Variants in NCKAP1 observed in about 807,000 individuals in gnomAD.
NCKAP1 encodes nck-associated protein 1.
NCKAP1 carries 21 observed loss-of-function variants against 151.2 expected under a neutral mutation model. That is an observed-to-expected ratio of 0.14 (90% confidence interval 0.10 to 0.20). NCKAP1 has a LOEUF of 0.20. NCKAP1 is among the 10% of genes least tolerant of loss of function. The pLI is 1.00. For missense variants in NCKAP1, 933 were observed against 1,352.1 expected, an observed-to-expected ratio of 0.69 and a Z score of 4.86; for synonymous variants, 484 against 451.8, an observed-to-expected ratio of 1.07 and a Z score of -0.90.
At chr2:183,020,220 T>C (rs1368773052) in intron 2 of NCKAP1, among the ~76,000 whole-genome samples, 1 of 152,082 alleles carries the variant, frequency 6.6e-6, no homozygotes, top group Non-Finnish European at 1.5e-5. Flanking sequence ...CCCAGCACTT[T>C]GGGAGGCCAA....
At chr2:183,015,485 GAA>G (rs879610042) in intron 2 of NCKAP1, among the ~76,000 whole-genome samples, 2 of 135,486 alleles carry the variant, frequency 1.5e-5, no homozygotes, top group Admixed American at 7.3e-5. Flanking sequence ...TAGGCTCCAG[GAA>G]AAAAAAAAAA....
At chr2:182,978,802 G>T in intron 14 of NCKAP1, 32 bp downstream of exon 14, 1 of 1,294,222 alleles carries the variant, frequency 7.7e-7, no homozygotes, top group Non-Finnish European at 1.1e-6. Context: ...CTAATTAGAA[G>T]AAAATATGCT....
At chr2:183,013,916 C>G (rs1335112622) in intron 2 of NCKAP1, among the ~76,000 whole-genome samples, 2 of 152,110 alleles carry the variant, frequency 1.3e-5, no homozygotes, top group African/African-American at 4.8e-5. Flanking sequence ...GAATGCTCCT[C>G]CCCTAGCTAA....
chr2:182,935,478 C>A, intron 24 of NCKAP1, 103 bp from the exon 25 acceptor site: 2 of 621,662 alleles, frequency 3.2e-6, no homozygotes, highest in South Asian at 2.7e-5. Context: ...ATAAAATTCC[C>A]ATGATAAAAG....
intron 10 of NCKAP1, among the ~76,000 whole-genome samples, chr2:182,984,901 A>G (rs1476944971): frequency 6.6e-6 from 1 of 152,200 alleles, no homozygotes. Context: ...TATTTAATAA[A>G]CAGAAGGAGG....
chr2:183,003,757 C>T (rs972056221), intron 2 of NCKAP1, among the ~76,000 whole-genome samples: 4 of 152,038 alleles, frequency 2.6e-5, no homozygotes, highest in African/African-American at 9.7e-5. Flanking sequence ...GGTAAAGCCA[C>T]GTTACGCATG....
rs184562913 is a variant in NCKAP1 at position 182,925,753 on chromosome 2, C to G, written c.3336G>C (p.Leu1112=). 38 of 1,592,078 alleles carry G rather than the reference C, an allele frequency of 2.4e-5. No homozygotes were observed. In the East Asian group the frequency reaches 8.8e-4, roughly 37 times the overall value. ...TGTAGACAGCATGGTATGCATTTCT[C>G]AGCAAGACATAAGGAAAACAAGATT... is the stretch of plus-strand genomic sequence containing the variant. ...LLESCFPYVL[L]RNAYHAVYKQ... The change falls in exon 31 of 31, where the codon CTG becomes CTC. Residue 1112 remains leucine (L), a synonymous_variant. Coordinates refer to ENST00000361354, the MANE Select transcript of NCKAP1 (RefSeq NM_013436.5).
At chr2:182,986,114 G>T in intron 10 of NCKAP1, 57 bp downstream of exon 10, 1 of 1,502,074 alleles carries the variant, frequency 6.7e-7, no homozygotes, top group East Asian at 2.3e-5. Context: ...TCAACAAAAT[G>T]ATGCTTTAAG....
chr2:183,035,906 G>GT (rs757137655), intron 1 of NCKAP1, among the ~76,000 whole-genome samples: 25 of 152,072 alleles, frequency 1.6e-4, no homozygotes, highest in Non-Finnish European at 3.2e-4. Context: ...AAATACTCTA[G>GT]TATTTCAAAA....
At position 182,952,891 on chromosome 2, in the gene NCKAP1, T is replaced by G. The variant is rs1369685369; in HGVS notation, c.2405A>C (p.Asn802Thr). Residue 802 changes from asparagine (N) to threonine (T), a missense_variant, in exon 22 of 31, where the codon AAT (asparagine) becomes ACT (threonine). Asn to Thr is a moderately conservative substitution (Grantham distance 65). This residue lies in a region of NCKAP1 where 326 missense variants were observed against 557.1 expected (regional missense o/e 0.59). Coordinates refer to ENST00000361354, the MANE Select transcript of NCKAP1 (RefSeq NM_013436.5). ...TGCAGGAAAATATGCTATATGGCCA[T>G]TGCTGACTTGTCGTAACAAAGTTTC... is the stretch of plus-strand genomic sequence containing the variant. ...YLETLLRQVS[N>T]GHIAYFPAMK... 5.6e-6 allele frequency: 9 copies of G among 1,610,980 alleles called. No individual in the cohort carries two copies. The highest frequency in any genetic ancestry group is 7.6e-6 in the Non-Finnish European group (9 of 1,179,088).
At chr2:183,001,848 C>T (rs180781454) in intron 6 of NCKAP1, 105 bp downstream of exon 6, 2 of 879,050 alleles carry the variant, frequency 2.3e-6, no homozygotes, top group African/African-American at 1.7e-5. Context: ...TACTTATATC[C>T]CATTATAGTA....
chr2:182,953,011 G>T, intron 21 of NCKAP1, 88 bp from the exon 22 acceptor site: 1 of 1,484,124 alleles, frequency 6.7e-7, no homozygotes, highest in South Asian at 1.3e-5. Context: ...ATTTTAAGTT[G>T]ACTGATAATA....
At chr2:182,979,032 G>T in intron 13 of NCKAP1, 117 bp from the exon 14 acceptor site, 2 of 483,628 alleles carry the variant, frequency 4.1e-6, no homozygotes, top group Non-Finnish European at 7.3e-6. Context: ...ATATTTTTCA[G>T]TAATAAAAAA....
At chr2:183,008,220 G>A (rs191662795) in intron 2 of NCKAP1, among the ~76,000 whole-genome samples, 71 of 151,972 alleles carry the variant, frequency 4.7e-4, no homozygotes, top group Non-Finnish European at 9.4e-4. Context: ...GAGCCACCAC[G>A]CCCAGCCACA....
chr2:182,958,299 C>T (rs1697366301), intron 18 of NCKAP1, among the ~76,000 whole-genome samples: 1 of 152,158 alleles, frequency 6.6e-6, no homozygotes, highest in African/African-American at 2.4e-5. Context: ...CCACCACACC[C>T]AGCTAATTTT....
intron 2 of NCKAP1, among the ~76,000 whole-genome samples, chr2:183,012,676 G>C (rs1444805128): frequency 1.4e-5 from 2 of 146,224 alleles, no homozygotes; most frequent in Non-Finnish European, 3.0e-5. Context: ...GTAGTGGCAT[G>C]ATCTCGGCTT....
At chr2:183,025,655 T>A (rs2105895655) in intron 1 of NCKAP1, among the ~76,000 whole-genome samples, 1 of 152,280 alleles carries the variant, frequency 6.6e-6, no homozygotes, top group Non-Finnish European at 1.5e-5. Context: ...ATATCCAACT[T>A]TCTTTGAGTA....
At chr2:182,952,958 C>T (rs1398914545) in intron 21 of NCKAP1, 35 bp from the exon 22 acceptor site, 3 of 1,585,650 alleles carry the variant, frequency 1.9e-6, no homozygotes, top group African/African-American at 1.4e-5. Flanking sequence ...CCGGAAGAAA[C>T]TGCTTAATTC....
intron 2 of NCKAP1, among the ~76,000 whole-genome samples, chr2:183,016,923 T>C (rs1020746344): frequency 6.6e-6 from 1 of 152,164 alleles, no homozygotes; most frequent in Non-Finnish European, 1.5e-5. Flanking sequence ...GACATTATAG[T>C]GGGGAACCCG....
Sources: allele counts gnomAD v4.1 joint callset (sites outside exome capture counted in the v4.1 genomes callset), GRCh38; gene constraint gnomAD v4.1.1; regional missense constraint gnomAD v4.1.1; transcripts MANE v1.5; gene names NCBI Gene and HGNC (gene_info 2026-07-23, HGNC 2026-07-21).